Variants in DOCK1 observed in about 807,000 individuals in gnomAD.
The protein encoded by DOCK1 is dedicator of cytokinesis protein 1.
Under a neutral mutation model 262.7 loss-of-function variants are expected in DOCK1, and 138 were observed. That is an observed-to-expected ratio of 0.53 (90% CI 0.46 to 0.61). The LOEUF (loss-of-function observed/expected upper bound fraction) is 0.61. DOCK1 is among the 20% of genes least tolerant of loss of function. DOCK1 has a pLI of 0.00. For synonymous variants in DOCK1, 866 were observed against 867.4 expected (o/e 1.00, Z 0.03); for missense variants, 1,908 against 2,370.7 (o/e 0.80, Z 4.05).
intron 29 of DOCK1, among the ~76,000 whole-genome samples, chr10:127,318,311 G>A (rs2062371457): frequency 6.6e-6 from 1 of 152,194 alleles, no homozygotes; most frequent in South Asian, 2.1e-4. Flanking sequence ...TGGAGAGGAG[G>A]CACACTGGAC....
rs1382361330 is a variant in DOCK1 at position 127,050,705 on chromosome 10, A to G, written c.2202-1976A>G. Among the ~76,000 whole-genome samples the G allele has an allele frequency of 4.5e-5, 5 of 111,202 alleles. No individual in the cohort carries two copies. In the East Asian group the frequency reaches 1.1e-3, roughly 24 times the overall value. The allele number at this position is 111,202 out of a possible 152,430, so 73.0% of individuals were successfully genotyped here. A position where few individuals can be genotyped will look rare whatever the true frequency, so the allele number is the denominator to read the frequency against. ...GGGCAACAGAGCAAGACTCTGTCTG[A>G]AAAAAAAAAAAAAAAGTTTTATGCC... On this transcript the variant is annotated intron_variant, in intron 21 of 51. Transcript: ENST00000623213.
At chr10:127,188,414 G>T (rs187658169) in intron 27 of DOCK1, among the ~76,000 whole-genome samples, 1 of 152,274 alleles carries the variant, frequency 6.6e-6, no homozygotes, top group East Asian at 1.9e-4. Flanking sequence ...GGTTGGAGAC[G>T]CAAAACATTT....
At chr10:127,239,926 AT>A (rs1232280025) in intron 27 of DOCK1, among the ~76,000 whole-genome samples, 2 of 152,180 alleles carry the variant, frequency 1.3e-5, no homozygotes, top group Non-Finnish European at 2.9e-5. Flanking sequence ...ATTATAATTT[AT>A]TTTTATACTT....
At chr10:127,006,078 G>A (rs2040994099) in intron 10 of DOCK1, among the ~76,000 whole-genome samples, 1 of 152,154 alleles carries the variant, frequency 6.6e-6, no homozygotes, top group Non-Finnish European at 1.5e-5. Flanking sequence ...TAGTAGCTAC[G>A]CAGTGAGCAT....
chr10:127,341,699 T>C (rs548604212), intron 30 of DOCK1, among the ~76,000 whole-genome samples: 1 of 152,278 alleles, frequency 6.6e-6, no homozygotes, highest in Non-Finnish European at 1.5e-5. Flanking sequence ...CTGGCTTTCG[T>C]CCTGTTTCAT....
At chr10:127,330,525 G>C (rs1050728091) in intron 29 of DOCK1, among the ~76,000 whole-genome samples, 2 of 152,112 alleles carry the variant, frequency 1.3e-5, no homozygotes, top group Non-Finnish European at 2.9e-5. Context: ...ATAGTAGGAT[G>C]GTTCCTCTAA....
Position 127,447,382 on chromosome 10 carries a change from C to T in DOCK1, c.5414-12C>T. The T allele has an allele frequency of 6.2e-7, 1 of 1,609,244 alleles. No individual in the cohort carries two copies. The highest frequency in any genetic ancestry group is 8.5e-7 in the Non-Finnish European group (1 of 1,177,798). On this transcript the variant is annotated splice_polypyrimidine_tract_variant and intron_variant, in intron 50 of 51. Coordinates refer to ENST00000623213, the MANE Select transcript of DOCK1 (RefSeq NM_001290223.2). ...AAGTCGGGCTGATTTTAAATAGATC[C>T]CGGTTTTCCAGGCTTGGAGCTGAAC...
rs144849474 is a variant in DOCK1 at position 127,141,548 on chromosome 10, T to C, written c.2847+13784T>C. Among the ~76,000 whole-genome samples, 1,009 of 152,198 alleles carry C rather than the reference T, an allele frequency of 6.6e-3. 4 individuals carry two copies. Among genetic ancestry groups the C allele is most frequent in the Admixed American group, 0.012 (178 of 15,276 alleles). On this transcript the variant is annotated intron_variant, in intron 27 of 51. Coordinates refer to ENST00000623213, the MANE Select transcript of DOCK1 (RefSeq NM_001290223.2). ...TGAAACCCCATCTGTACTAAAAATA[T>C]AAAGTTTAGCTGGGTGTGATGGTGC...
At chr10:127,051,979 G>A (rs1045714085) in intron 21 of DOCK1, among the ~76,000 whole-genome samples, 3 of 152,098 alleles carry the variant, frequency 2.0e-5, no homozygotes, top group Non-Finnish European at 4.4e-5. Flanking sequence ...AAAAATTTTT[G>A]TGTCTCTGTT....
chr10:127,447,070 G>C (rs577561195), intron 50 of DOCK1, among the ~76,000 whole-genome samples: 1 of 152,172 alleles, frequency 6.6e-6, no homozygotes, highest in East Asian at 1.9e-4. Flanking sequence ...AACTTCCACC[G>C]AGGCAGGGGG....
intron 1 of DOCK1, among the ~76,000 whole-genome samples, chr10:126,941,249 T>G: frequency 6.6e-6 from 1 of 152,338 alleles, no homozygotes. Context: ...AAGAGTAAGT[T>G]TGATGGGATG....
At chr10:126,979,955 C>T (rs1243388144) in intron 3 of DOCK1, among the ~76,000 whole-genome samples, 6 of 152,116 alleles carry the variant, frequency 3.9e-5, no homozygotes, top group Non-Finnish European at 7.4e-5. Context: ...CATTATCCTT[C>T]CTGTGGCTTC....
intron 21 of DOCK1, among the ~76,000 whole-genome samples, chr10:127,046,968 T>C (rs971039581): frequency 1.3e-5 from 2 of 152,158 alleles, no homozygotes; most frequent in African/African-American, 4.8e-5. Context: ...AAATCTTTCA[T>C]GTGGCTTTTA....
intron 25 of DOCK1, among the ~76,000 whole-genome samples, chr10:127,111,432 A>T (rs2048856874): frequency 6.6e-6 from 1 of 152,122 alleles, no homozygotes; most frequent in African/African-American, 2.4e-5. Context: ...TACTTTCATA[A>T]AAGAAAGTCA....
intron 33 of DOCK1, among the ~76,000 whole-genome samples, chr10:127,362,939 C>G: frequency 2.2e-4 from 1 of 4,544 alleles, no homozygotes; most frequent in East Asian, 5.8e-3. Context: ...GCACATCCCC[C>G]CACACACATA....
intron 13 of DOCK1, 112 bp from the exon 14 acceptor site, chr10:127,023,088 T>TTA (rs2135448700): frequency 1.7e-6 from 2 of 1,211,760 alleles, no homozygotes; most frequent in Admixed American, 2.8e-5. Flanking sequence ...TTCATAATCA[T>TTA]CTAATATGTA....
chr10:127,382,344 C>T (rs762806001), intron 37 of DOCK1, among the ~76,000 whole-genome samples: 3 of 152,132 alleles, frequency 2.0e-5, no homozygotes, highest in Admixed American at 6.5e-5. Context: ...ATCTTTGGCC[C>T]GATCCTGAAA....
At chr10:127,270,350 T>C (rs1433031503) in intron 29 of DOCK1, among the ~76,000 whole-genome samples, 1 of 152,224 alleles carries the variant, frequency 6.6e-6, no homozygotes, top group Non-Finnish European at 1.5e-5. Flanking sequence ...CCGATGTTTT[T>C]ATTCTGTTCT....
chr10:127,017,569 A>G (rs928252574), intron 12 of DOCK1, among the ~76,000 whole-genome samples: 1 of 151,770 alleles, frequency 6.6e-6, no homozygotes, highest in Non-Finnish European at 1.5e-5. Flanking sequence ...ATGCACAGAT[A>G]CAGATACACA....
Sources: gnomAD v4.1 joint callset for allele counts (sites outside exome capture counted in the v4.1 genomes callset) on GRCh38, gnomAD v4.1.1 for gene constraint, MANE v1.5 for transcripts, NCBI Gene and HGNC (gene_info 2026-07-23, HGNC 2026-07-21) for gene names.